CSMD1: variants seen among roughly 807,000 people sequenced by gnomAD.
CSMD1 encodes CUB and sushi domain-containing protein 1.
A neutral mutation model predicts 417.5 loss-of-function variants in CSMD1; 213 were observed. The ratio of observed to expected loss-of-function variants is 0.51; its 90% CI spans 0.46 to 0.57. CSMD1 has a LOEUF of 0.57. CSMD1 is among the 20% of genes least tolerant of loss of function. The pLI is 0.00. For missense variants in CSMD1, 6,923 were observed against 4,529.7 expected, an observed-to-expected ratio of 1.53 and a Z score of -15.17; for synonymous variants, 2,862 against 1,736.8, an observed-to-expected ratio of 1.65 and a Z score of -16.11.
At chr8:3,359,453 A>T (rs772369110) in intron 20 of CSMD1, 113 bp from the exon 21 acceptor site, 1 of 787,302 alleles carries the variant, frequency 1.3e-6, no homozygotes, top group Non-Finnish European at 1.9e-6. Context: ...ACCTACATAT[A>T]TATTTTCCCC....
At chr8:3,554,607 C>T (rs1342821679) in intron 10 of CSMD1, among the ~76,000 whole-genome samples, 4 of 152,194 alleles carry the variant, frequency 2.6e-5, no homozygotes, top group Non-Finnish European at 5.9e-5. Context: ...ATGGCCAGGC[C>T]AAAGAGGATC....
intron 1 of CSMD1, among the ~76,000 whole-genome samples, chr8:4,791,320 T>C (rs555223924): frequency 1.3e-5 from 2 of 152,192 alleles, no homozygotes; most frequent in African/African-American, 4.8e-5. Flanking sequence ...TTCTTACTAC[T>C]TCTTGGTGTG....
rs535578685 is a variant in CSMD1, at chr8:3,389,880, A to G, written c.2594-2198T>C. 7.9e-5 allele frequency among the ~76,000 whole-genome samples: 12 copies of G among 152,328 alleles called. 1 individual carries two copies. Among genetic ancestry groups the G allele is most frequent in the South Asian group, 6.2e-4 (3 of 4,822 alleles). On this transcript the variant is annotated intron_variant, in intron 17 of 69. Transcript: ENST00000635120. ...CATTCATTTTTAAATAATAATTGAC[A>G]CCACTATTGAATTTTGAAATATGCA...
chr8:3,812,885 T>A (rs2129078163), intron 5 of CSMD1, among the ~76,000 whole-genome samples: 1 of 152,338 alleles, frequency 6.6e-6, no homozygotes, highest in Middle Eastern at 3.4e-3. Flanking sequence ...TTTAATGACA[T>A]GCCAGCTCTT....
At chr8:4,155,094 G>A (rs973013288) in intron 3 of CSMD1, among the ~76,000 whole-genome samples, 1 of 152,186 alleles carries the variant, frequency 6.6e-6, no homozygotes, top group South Asian at 2.1e-4. Flanking sequence ...CTCATGCAAT[G>A]CCTACAGTGG....
intron 1 of CSMD1, among the ~76,000 whole-genome samples, chr8:4,651,467 G>T (rs1426192904): frequency 6.6e-6 from 1 of 152,002 alleles, no homozygotes; most frequent in Non-Finnish European, 1.5e-5. Flanking sequence ...TCATATACTG[G>T]TGGGGGGAGG....
At chr8:3,835,657 C>T (rs563645226) in intron 5 of CSMD1, among the ~76,000 whole-genome samples, 5 of 150,236 alleles carry the variant, frequency 3.3e-5, no homozygotes, top group Non-Finnish European at 5.9e-5. Context: ...CACATGTATA[C>T]ATATGTAACA....
intron 8 of CSMD1, among the ~76,000 whole-genome samples, chr8:3,589,165 T>C (rs752750927): frequency 7.2e-5 from 11 of 152,182 alleles, no homozygotes; most frequent in Non-Finnish European, 1.6e-4. Flanking sequence ...ATACTCATTA[T>C]GGAAAATAGT....
chr8:4,204,403 G>A (rs746502805), intron 3 of CSMD1, among the ~76,000 whole-genome samples: 1 of 152,144 alleles, frequency 6.6e-6, no homozygotes, highest in East Asian at 1.9e-4. Context: ...AATTAGGAAA[G>A]ATAGAAACCC....
chr8:4,424,391 C>T (rs761512940), intron 2 of CSMD1, among the ~76,000 whole-genome samples: 1 of 151,780 alleles, frequency 6.6e-6, no homozygotes, highest in African/African-American at 2.4e-5. Context: ...GCAGAAAAGT[C>T]AGGTGACCTA....
intron 20 of CSMD1, 89 bp downstream of exon 20, chr8:3,366,943 C>G (rs1187263099): frequency 1.7e-5 from 13 of 743,336 alleles, no homozygotes; most frequent in Non-Finnish European, 2.8e-5. Context: ...GCACACATTA[C>G]ACACACACAC....
Position 4,687,836 on chromosome 8 carries a change from T to C in CSMD1, c.86-50278A>G, listed in dbSNP as rs867735992. ...ATACACACAAACACACATACATACA[T>C]ACACACACACACACACACACACACA... On this transcript the variant is annotated intron_variant, in intron 1 of 69. Transcript: ENST00000635120. Among the ~76,000 whole-genome samples the C allele has an allele frequency of 4.6e-4, 68 of 149,194 alleles. 1 individual carries two copies. Among genetic ancestry groups the C allele is most frequent in the Admixed American group, 2.3e-3 (34 of 15,000 alleles).
chr8:3,874,540 A>G (rs992335970), intron 5 of CSMD1, among the ~76,000 whole-genome samples: 5 of 152,196 alleles, frequency 3.3e-5, no homozygotes, highest in Non-Finnish European at 7.3e-5. Context: ...AAGACATACA[A>G]GCAGCATCTT....
At chr8:2,972,666 G>C (rs1352673361) in intron 57 of CSMD1, among the ~76,000 whole-genome samples, 9 of 152,164 alleles carry the variant, frequency 5.9e-5, no homozygotes, top group African/African-American at 1.9e-4. Flanking sequence ...TATAACCCCA[G>C]ATTCCTGTGA....
At position 4,760,787 on chromosome 8, in the gene CSMD1, C is replaced by G. The variant is rs1323634452; in HGVS notation, c.86-123229G>C. Among the ~76,000 whole-genome samples the G allele has an allele frequency of 2.6e-5, 4 of 152,030 alleles. No homozygotes were observed. The East Asian group carries it at 5.8e-4, about 22-fold the overall frequency. On this transcript the variant is annotated intron_variant, in intron 1 of 69. Transcript: ENST00000635120. Reference sequence around the variant, plus strand: ...GTTTTAGAACTAAATTTAGATCTGTCAAAAACAAAAACACGCAAAAAGATC... The same window carrying G: ...GTTTTAGAACTAAATTTAGATCTGTGAAAAACAAAAACACGCAAAAAGATC...
chr8:4,334,502 G>C (rs1346021109), intron 3 of CSMD1, among the ~76,000 whole-genome samples: 1 of 152,068 alleles, frequency 6.6e-6, no homozygotes, highest in Non-Finnish European at 1.5e-5. Context: ...TGACTTACCA[G>C]TCCCTATAAA....
chr8:4,199,408 G>C (rs533488803), intron 3 of CSMD1, among the ~76,000 whole-genome samples: 102 of 152,216 alleles, frequency 6.7e-4, no homozygotes, highest in African/African-American at 2.3e-3. Context: ...AATGGATTTG[G>C]TGCTGGCATT....
intron 12 of CSMD1, among the ~76,000 whole-genome samples, chr8:3,441,839 C>A (rs564271655): frequency 1.6e-5 from 1 of 61,740 alleles, no homozygotes; most frequent in African/African-American, 9.6e-5. Flanking sequence ...GCTCCTTATA[C>A]TTACATTAAA....
chr8:3,564,492 T>C (rs1024981757), intron 10 of CSMD1, among the ~76,000 whole-genome samples: 9 of 145,222 alleles, frequency 6.2e-5, no homozygotes, highest in Non-Finnish European at 1.4e-4. Flanking sequence ...TTAGTCTTCT[T>C]AGAAATGCTG....
Sources: allele counts gnomAD v4.1 joint callset (sites outside exome capture counted in the v4.1 genomes callset), GRCh38; gene constraint gnomAD v4.1.1; transcripts MANE v1.5; gene names NCBI Gene and HGNC (gene_info 2026-07-23, HGNC 2026-07-21).